The following ATAD2B variants were observed in gnomAD, a reference collection of about 807,000 sequenced individuals.
ATAD2B encodes the protein ATPase family AAA domain containing 2B.
Under a neutral mutation model 167.6 loss-of-function variants are expected in ATAD2B, and 40 were observed. The observed-to-expected ratio is 0.24, with a 90% CI of 0.19 to 0.31. The LOEUF (loss-of-function observed/expected upper bound fraction) is 0.31, where lower values mean the gene tolerates loss of function less well. Among genes scored for constraint, ATAD2B ranks in the 10% least tolerant of loss-of-function variants. The probability of loss-of-function intolerance (pLI) is 1.00; values close to 1 mark genes in which losing one functional copy is unlikely to be tolerated. For synonymous variants in ATAD2B, 579 were observed against 596.5 expected, an observed-to-expected ratio of 0.97 and a Z score of 0.43; for missense variants, 1,242 against 1,757.2, an observed-to-expected ratio of 0.71 and a Z score of 5.24.
chr2:23,843,213 A>T (rs1217468487), intron 13 of ATAD2B, among the ~76,000 whole-genome samples: 1 of 152,232 alleles, frequency 6.6e-6, no homozygotes, highest in Non-Finnish European at 1.5e-5. Context: ...TTTCTGAAAT[A>T]AAAAAATGTG....
intron 13 of ATAD2B, among the ~76,000 whole-genome samples, chr2:23,854,371 G>A (rs1573050206): frequency 6.6e-6 from 1 of 151,804 alleles, no homozygotes; most frequent in African/African-American, 2.4e-5. Flanking sequence ...ATGAATCATT[G>A]ACTTAAATAT....
At chr2:23,745,422 A>AAGGAAGAAAGGAAAGGG (rs1491261605), downstream of ATAD2B, among the ~76,000 whole-genome samples, 497 of 85,062 alleles carry the variant, frequency 5.8e-3, 2 homozygotes, top group South Asian at 0.014. Context: ...GGAAGGAAGG[A>AAGGAAGAAAGGAAAGGG]AAGGGAAGGG....
chr2:23,793,356 C>T (rs1682115001), intron 19 of ATAD2B, among the ~76,000 whole-genome samples: 1 of 152,120 alleles, frequency 6.6e-6, no homozygotes, highest in Admixed American at 6.5e-5. Flanking sequence ...AACAGAAATA[C>T]AATTCTGGCC....
chr2:23,875,317 T>C (rs1006234226), intron 8 of ATAD2B, among the ~76,000 whole-genome samples: 2 of 151,940 alleles, frequency 1.3e-5, no homozygotes, highest in Non-Finnish European at 2.9e-5. Context: ...CTGGCCAACA[T>C]GGTGAAATTC....
At chr2:23,784,884 G>A (rs1359460600) in intron 21 of ATAD2B, among the ~76,000 whole-genome samples, 1 of 152,032 alleles carries the variant, frequency 6.6e-6, no homozygotes, top group African/African-American at 2.4e-5. Flanking sequence ...GATAATGAAT[G>A]TGGGCTTTGA....
At chr2:23,805,335 C>T (rs1684193608) in intron 18 of ATAD2B, among the ~76,000 whole-genome samples, 1 of 152,122 alleles carries the variant, frequency 6.6e-6, no homozygotes, top group Admixed American at 6.5e-5. Flanking sequence ...CCAAAGCAAC[C>T]ATATTAACAG....
downstream of ATAD2B, among the ~76,000 whole-genome samples, chr2:23,744,939 T>C (rs769537631): frequency 3.3e-5 from 5 of 152,164 alleles, no homozygotes; most frequent in African/African-American, 4.8e-5. Flanking sequence ...GGTAGGAACA[T>C]GCATGTTGTA....
At chr2:23,892,391 C>G (rs932908090) in intron 2 of ATAD2B, among the ~76,000 whole-genome samples, 2 of 152,006 alleles carry the variant, frequency 1.3e-5, no homozygotes, top group Non-Finnish European at 2.9e-5. Context: ...GTCTCTATCT[C>G]CTGACCTCGT....
chr2:23,820,983 CAT>C (rs965882645), intron 16 of ATAD2B, among the ~76,000 whole-genome samples: 1 of 151,968 alleles, frequency 6.6e-6, no homozygotes, highest in Non-Finnish European at 1.5e-5. Context: ...TAGTACAAGT[CAT>C]AGTTTAATCT....
chr2:23,824,325 A>T (rs1687917491), intron 15 of ATAD2B, among the ~76,000 whole-genome samples: 2 of 152,194 alleles, frequency 1.3e-5, no homozygotes, highest in African/African-American at 4.8e-5. Flanking sequence ...TCAGTCCTTC[A>T]TCAATATTCC....
chr2:23,751,127 C>A lies in ATAD2B; in HGVS notation c.*919G>T, dbSNP rs1173809907. On this transcript the variant is annotated 3_prime_UTR_variant, in exon 28 of 28. Coordinates refer to ENST00000238789, the MANE Select transcript of ATAD2B (RefSeq NM_017552.4). ...CCACTGACAGAAGAAAAAATGGCCA[C>A]TATCTATTTATTTTCTAGTCATCAT... The A allele has an allele frequency of 6.6e-6, 1 of 152,114 alleles. No individual in the cohort carries two copies. Among genetic ancestry groups the A allele is most frequent in the African/African-American group, 2.4e-5 (1 of 41,436 alleles). The allele number at this position is 152,114 out of a possible 1,614,324, so 9.4% of individuals were successfully genotyped here.
At chr2:23,908,191 G>A (rs2150500524) in intron 1 of ATAD2B, among the ~76,000 whole-genome samples, 1 of 152,186 alleles carries the variant, frequency 6.6e-6, no homozygotes, top group Non-Finnish European at 1.5e-5. Context: ...ACGACCATCA[G>A]AGTGAACAGG....
At chr2:23,742,547 A>G in the ATAD2B span, among the ~76,000 whole-genome samples, 1 of 112,808 alleles carries the variant, frequency 8.9e-6, no homozygotes, top group Non-Finnish European at 1.7e-5. Flanking sequence ...CACACCAGGG[A>G]CAGTTGTGGG....
chr2:23,794,772 C>T (rs1249227449), intron 19 of ATAD2B, among the ~76,000 whole-genome samples: 1 of 151,656 alleles, frequency 6.6e-6, no homozygotes, highest in Non-Finnish European at 1.5e-5. Context: ...TTTAATAGTA[C>T]AGTATATTTC....
chr2:23,864,225 G>A (rs142518269), intron 11 of ATAD2B, among the ~76,000 whole-genome samples: 15,312 of 151,926 alleles, frequency 0.1, 883 homozygotes, highest in Middle Eastern at 0.17. Context: ...AGCTGGTCTC[G>A]AATTCCTGAC....
At chr2:23,821,363 A>G (rs1291515560) in intron 16 of ATAD2B, among the ~76,000 whole-genome samples, 1 of 152,218 alleles carries the variant, frequency 6.6e-6, no homozygotes, top group Non-Finnish European at 1.5e-5. Context: ...TTGGTACATA[A>G]CATATATATG....
the ATAD2B span, among the ~76,000 whole-genome samples, chr2:23,716,677 C>T: frequency 6.6e-6 from 1 of 152,250 alleles, no homozygotes; most frequent in Non-Finnish European, 1.5e-5. Flanking sequence ...ACTTTCCTAA[C>T]ATTGTCATCT....
intron 6 of ATAD2B, among the ~76,000 whole-genome samples, chr2:23,882,539 T>A (rs1466936424): frequency 6.9e-6 from 1 of 144,170 alleles, no homozygotes; most frequent in Non-Finnish European, 1.5e-5. Flanking sequence ...CCAGGCGCAG[T>A]GGCTCATGCC....
chr2:23,795,573 A>C (rs1682470526), intron 19 of ATAD2B, among the ~76,000 whole-genome samples: 2 of 152,140 alleles, frequency 1.3e-5, no homozygotes, highest in African/African-American at 4.8e-5. Context: ...TTACTATCTT[A>C]GTTTGTGACC....
Sources: gnomAD v4.1 joint callset for allele counts (sites outside exome capture counted in the v4.1 genomes callset) on GRCh38, gnomAD v4.1.1 for gene constraint, MANE v1.5 for transcripts, NCBI Gene and HGNC (gene_info 2026-07-23, HGNC 2026-07-21) for gene names.